Variants in LAMA3 observed in about 807,000 individuals in gnomAD.
LAMA3 encodes the protein laminin subunit alpha-3.
In LAMA3, 281 loss-of-function variants were observed where a neutral mutation model predicts 402.0. The observed-to-expected ratio is 0.70, with a 90% confidence interval of 0.63 to 0.77. LAMA3 has a LOEUF of 0.77. LAMA3 is among the 30% of genes least tolerant of loss of function. The pLI is 0.00. For synonymous variants in LAMA3, 1,431 were observed against 1,558.4 expected (o/e 0.92, Z 1.93); for missense variants, 3,840 against 4,215.5 (o/e 0.91, Z 2.47).
At chr18:23,737,747 G>A (rs1455814408) in intron 2 of LAMA3, among the ~76,000 whole-genome samples, 1 of 152,270 alleles carries the variant, frequency 6.6e-6, no homozygotes, top group Non-Finnish European at 1.5e-5. Flanking sequence ...TGCTGCAGGT[G>A]AGAAGCGAGC....
In LAMA3 at chr18:23,904,705, G is replaced by A. The variant is rs149339570; in HGVS notation, c.6615+11G>A. On this transcript the variant is annotated intron_variant, in intron 51 of 74. Transcript: ENST00000313654. Reference sequence around the variant, plus strand: ...GAATCTGCCCTCCAGGTGGGCACCTGTACCAGCAGCTTCTCCACATTCGCT... The same window carrying A: ...GAATCTGCCCTCCAGGTGGGCACCTATACCAGCAGCTTCTCCACATTCGCT... 1.2e-6 allele frequency: 2 copies of A among 1,613,680 alleles called. No individual in the cohort carries two copies. The highest frequency in any genetic ancestry group is 2.2e-5 in the East Asian group (1 of 44,874).
chr18:23,812,980 C>T (rs377091039), intron 13 of LAMA3, 77 bp from the exon 14 acceptor site: 213 of 1,001,160 alleles, frequency 2.1e-4, no homozygotes, highest in African/African-American at 1.3e-3. Flanking sequence ...GAAAACAAAA[C>T]GTTTAAAACT....
At chr18:23,832,274 C>T (rs887785509) in intron 23 of LAMA3, among the ~76,000 whole-genome samples, 5 of 152,116 alleles carry the variant, frequency 3.3e-5, no homozygotes, top group Admixed American at 3.3e-4. Flanking sequence ...GCAGTAACCT[C>T]GCCACACGGA....
At chr18:23,780,884 T>C (rs2143963656) in intron 11 of LAMA3, among the ~76,000 whole-genome samples, 1 of 152,308 alleles carries the variant, frequency 6.6e-6, no homozygotes, top group African/African-American at 2.4e-5. Flanking sequence ...GGAAGTGATA[T>C]GAAAAGGTTG....
At chr18:23,798,690 GA>G (rs913678282) in intron 12 of LAMA3, among the ~76,000 whole-genome samples, 7 of 152,250 alleles carry the variant, frequency 4.6e-5, no homozygotes, top group Non-Finnish European at 1.0e-4. Context: ...TGATTGGTCA[GA>G]AAAGGCTAAG....
rs1044760013 is a variant in LAMA3 at position 23,689,893 on chromosome 18, ACCCGGCGAGGGGAGG to A, written c.214_228del (p.Gly72_Pro76del). On this transcript the variant is annotated inframe_deletion, in exon 1 of 75. Coordinates refer to ENST00000313654, the MANE Select transcript of LAMA3 (RefSeq NM_198129.4). The stretch of plus-strand genomic sequence containing the variant: ...CCACCGCCACCTGCGGGGAGAGGGG[ACCCGGCGAGGGGAGG>A]CCCCAGCCCGAGCTCTACTGCAAGT... 5.2e-6 allele frequency: 8 copies of A among 1,538,196 alleles called. No individual in the cohort carries two copies. Among genetic ancestry groups the A allele is most frequent in the Non-Finnish European group, 7.0e-6 (8 of 1,142,324 alleles).
At position 23,883,910 on chromosome 18, in the gene LAMA3, T is replaced by A. The variant is rs959985125; in HGVS notation, c.5223-863T>A. Among the ~76,000 whole-genome samples the A allele has an allele frequency of 2.0e-5, 3 of 152,232 alleles. 1 individual carries two copies. The highest frequency in any genetic ancestry group is 4.1e-4 in the South Asian group (2 of 4,834). ...TTTCTCCTTCCTGCAATATTAATAGTGCTGACCAATGTCTAACTGTCTTTT... is the reference window on the plus strand; with the variant it reads ...TTTCTCCTTCCTGCAATATTAATAGAGCTGACCAATGTCTAACTGTCTTTT... On this transcript the variant is annotated intron_variant, in intron 40 of 74. Transcript: ENST00000313654.
intron 64 of LAMA3, among the ~76,000 whole-genome samples, chr18:23,929,637 C>T (rs1006408852): frequency 1.3e-5 from 2 of 152,110 alleles, no homozygotes; most frequent in Non-Finnish European, 2.9e-5. Context: ...CTCTTGGTGG[C>T]TGACTCTGTA....
intron 12 of LAMA3, among the ~76,000 whole-genome samples, chr18:23,799,919 C>T (rs145943629): frequency 1.2e-4 from 18 of 152,278 alleles, no homozygotes; most frequent in Non-Finnish European, 2.2e-4. Context: ...GGACATTAGC[C>T]TTTTTGTCTT....
At chr18:23,945,338 A>G (rs1490945739) in intron 69 of LAMA3, among the ~76,000 whole-genome samples, 1 of 152,076 alleles carries the variant, frequency 6.6e-6, no homozygotes, top group Non-Finnish European at 1.5e-5. Context: ...GGCCTTGCTG[A>G]TGGATCACAT....
At chr18:23,900,161 C>T (rs934802441) in intron 47 of LAMA3, among the ~76,000 whole-genome samples, 1 of 152,078 alleles carries the variant, frequency 6.6e-6, no homozygotes, top group Admixed American at 6.6e-5. Context: ...ACCTTCACCT[C>T]CTGAGTTCAA....
chr18:23,903,137 AGTT>A lies in LAMA3; in HGVS notation c.6318+16_6318+18del. 6.7e-7 allele frequency: 1 copy of A among 1,482,636 alleles called. No homozygotes were observed. Among genetic ancestry groups the A allele is most frequent in the South Asian group, 1.1e-5 (1 of 88,362 alleles). The allele number at this position is 1,482,636 out of a possible 1,614,324, so 91.8% of individuals were successfully genotyped here. On this transcript the variant is annotated intron_variant, in intron 49 of 74. Coordinates refer to ENST00000313654, the MANE Select transcript of LAMA3 (RefSeq NM_198129.4). ...AGAAAAGCCAGAAGGTAGAGGAAAT[AGTT>A]GTTCTCTAGAAAAATCTAAAAACAT... is the stretch of plus-strand genomic sequence containing the variant.
chr18:23,924,142 C>T (rs1020713448), intron 62 of LAMA3, among the ~76,000 whole-genome samples: 3 of 152,048 alleles, frequency 2.0e-5, no homozygotes, highest in African/African-American at 7.2e-5. Flanking sequence ...GCCACTGTGC[C>T]CAGTCCAGAA....
chr18:23,884,894 C>G (rs371115852), intron 41 of LAMA3, 41 bp downstream of exon 41: 22 of 1,498,244 alleles, frequency 1.5e-5, no homozygotes, highest in Non-Finnish European at 1.7e-5. Context: ...GCAGAGGGGG[C>G]GGGGAGGGCT....
intron 56 of LAMA3, 88 bp downstream of exon 56, chr18:23,912,969 T>C: frequency 8.3e-7 from 1 of 1,201,424 alleles, no homozygotes; most frequent in Non-Finnish European, 1.2e-6. Context: ...GCTGCATCAC[T>C]GCCATTAGCA....
intron 68 of LAMA3, among the ~76,000 whole-genome samples, chr18:23,943,425 G>A (rs2082593913): frequency 6.6e-6 from 1 of 152,210 alleles, no homozygotes; most frequent in Non-Finnish European, 1.5e-5. Context: ...AAAAGGTTAA[G>A]ATGGCACATT....
Position 23,820,009 on chromosome 18 carries a change from G to C in LAMA3, c.2304+12G>C, listed in dbSNP as rs375913829. 1 of 1,613,870 alleles carries C rather than the reference G, an allele frequency of 6.2e-7. No individual in the cohort carries two copies. Among genetic ancestry groups the C allele is most frequent in the South Asian group, 1.1e-5 (1 of 91,070 alleles). ...TGACCTCAGTACAGGTACGCAACCC[G>C]AAGAGAGCAGCTTCATGGCTGAGTA... On this transcript the variant is annotated intron_variant, in intron 19 of 74. Coordinates refer to ENST00000313654, the MANE Select transcript of LAMA3 (RefSeq NM_198129.4).
At chr18:23,908,533 C>CA (rs111961159) in intron 54 of LAMA3, among the ~76,000 whole-genome samples, 8,249 of 57,036 alleles carry the variant, frequency 0.14, 451 homozygotes, top group African/African-American at 0.25. Context: ...CCATCTCAAA[C>CA]AAAAAAAAAA....
chr18:23,900,308 C>A (rs1250298038), intron 47 of LAMA3, among the ~76,000 whole-genome samples: 5 of 152,120 alleles, frequency 3.3e-5, no homozygotes, highest in African/African-American at 1.2e-4. Context: ...TGACATCAAG[C>A]AATACGCCTG....
Sources: gnomAD v4.1 joint callset for allele counts (sites outside exome capture counted in the v4.1 genomes callset) on GRCh38, gnomAD v4.1.1 for gene constraint, MANE v1.5 for transcripts, NCBI Gene and HGNC (gene_info 2026-07-23, HGNC 2026-07-21) for gene names.